The following GABARAP variants were observed in gnomAD, a reference collection of about 807,000 sequenced individuals.
GABARAP encodes GABA type A receptor-associated protein, also known as gamma-aminobutyric acid receptor-associated protein.
GABARAP carries 5 observed loss-of-function variants against 16.7 expected under a neutral mutation model. The ratio of observed to expected loss-of-function variants is 0.30; its 90% CI spans 0.16 to 0.63. The LOEUF is 0.63. Among genes scored for constraint, GABARAP ranks in the 20% least tolerant of loss-of-function variants. The pLI, the probability that GABARAP is intolerant of heterozygous loss-of-function variation, is 0.82. For missense variants in GABARAP, 84 were observed against 146.6 expected, an observed-to-expected ratio of 0.57 and a Z score of 2.21; for synonymous variants, 45 against 52.7, an observed-to-expected ratio of 0.85 and a Z score of 0.64.
intron 1 of GABARAP, 109 bp downstream of exon 1, chr17:7,242,132 C>T: frequency 1.2e-6 from 1 of 802,718 alleles, no homozygotes; most frequent in East Asian, 2.5e-5. Context: ...TCGCTGCCAA[C>T]CCCACCACAG....
intron 3 of GABARAP, 195 bp downstream of exon 3, chr17:7,241,147 G>C: frequency 1.5e-6 from 1 of 680,626 alleles, no homozygotes; most frequent in Middle Eastern, 4.2e-4. Context: ...CGAACAGATA[G>C]TTTCTCTAGC....
chr17:7,241,281 T>C (rs2071775544), intron 3 of GABARAP, 61 bp downstream of exon 3: 1 of 859,560 alleles, frequency 1.2e-6, no homozygotes, highest in Non-Finnish European at 2.0e-6. Flanking sequence ...CAACACTTTC[T>C]TCCCCTCACG....
Sources: allele counts gnomAD v4.1 joint callset, GRCh38; gene constraint gnomAD v4.1.1; transcripts MANE v1.5; gene names NCBI Gene and HGNC (gene_info 2026-07-23, HGNC 2026-07-21).